The following FNBP1 variants were observed in gnomAD, a reference collection of about 807,000 sequenced individuals.
FNBP1 encodes formin binding protein 1.
FNBP1 carries 26 observed loss-of-function variants against 90.6 expected under a neutral mutation model. The observed-to-expected ratio is 0.29, with a 90% CI of 0.21 to 0.40. FNBP1 has a LOEUF of 0.40. Ranked by LOEUF, FNBP1 falls within the 10% of genes least tolerant of loss-of-function variation. The pLI is 1.00. For missense variants in FNBP1, 635 were observed against 768.0 expected (o/e 0.83, Z 2.05); for synonymous variants, 260 against 265.2 (o/e 0.98, Z 0.19).
At chr9:130,015,281 T>G (rs2057106496) in intron 1 of FNBP1, among the ~76,000 whole-genome samples, 1 of 152,180 alleles carries the variant, frequency 6.6e-6, no homozygotes, top group South Asian at 2.1e-4. Context: ...CTAGTAGGTC[T>G]TTACAGTACA....
At chr9:129,934,997 T>C (rs78713436) in intron 6 of FNBP1, among the ~76,000 whole-genome samples, 5,190 of 152,278 alleles carry the variant, frequency 0.034, 157 homozygotes, top group African/African-American at 0.078. Flanking sequence ...TTTTAGAAAC[T>C]GAACTGTAGC....
At chr9:129,892,139 T>C (rs146426263) in intron 16 of FNBP1, among the ~76,000 whole-genome samples, 20 of 152,176 alleles carry the variant, frequency 1.3e-4, no homozygotes, top group African/African-American at 3.4e-4. Flanking sequence ...GGAGAACCCA[T>C]AAAACAAACA....
Position 129,888,896 on chromosome 9 carries a change from A to G in FNBP1, c.*1643T>C, listed in dbSNP as rs1315132703. ...ACTTCCTTGTCTTAGATTCATAAAC[A>G]GCAAGAGGAACTGAGGATGCTTGAG... On this transcript the variant is annotated 3_prime_UTR_variant, in exon 17 of 17. Transcript: ENST00000446176. 4.3e-6 allele frequency: 1 copy of G among 232,100 alleles called. No individual in the cohort carries two copies. The highest frequency in any genetic ancestry group is 1.3e-3 in the Middle Eastern group (1 of 800). The allele number at this position is 232,100 out of a possible 1,614,324, so 14.4% of individuals were successfully genotyped here.
chr9:129,912,613 G>A (rs1483971159), intron 11 of FNBP1, among the ~76,000 whole-genome samples: 5 of 151,728 alleles, frequency 3.3e-5, no homozygotes, highest in Admixed American at 1.3e-4. Context: ...GCTTGAACCC[G>A]GGAGGTGGAG....
At chr9:130,043,237 G>A, upstream of FNBP1, 1 of 318,102 alleles carries the variant, frequency 3.1e-6, no homozygotes, top group Admixed American at 5.0e-5. Context: ...CGGGGGAGGG[G>A]CGGGAGGGGA....
chr9:129,939,177 T>C (rs2043949314), intron 6 of FNBP1, among the ~76,000 whole-genome samples: 1 of 151,916 alleles, frequency 6.6e-6, no homozygotes, highest in Non-Finnish European at 1.5e-5. Flanking sequence ...TCACCTGAGG[T>C]CAGGAGTTCA....
Position 129,957,584 on chromosome 9 carries a change from C to G in FNBP1, c.409-120G>C. ...TTTTTTTTCTTCAGTCAGGGTCTCA[C>G]TTTGTCACCCAGGCTGGAGTGCAGT... On this transcript the variant is annotated intron_variant, in intron 5 of 16. Transcript: ENST00000446176. The surrounding 1 kb of genome is among the most constrained non-coding windows in gnomAD (Gnocchi z 4.3). The G allele has an allele frequency of 1.3e-6, 1 of 765,760 alleles. No individual in the cohort carries two copies. Among genetic ancestry groups the G allele is most frequent in the Non-Finnish European group, 2.0e-6 (1 of 489,984 alleles). The allele number at this position is 765,760 out of a possible 1,614,324, so 47.4% of individuals were successfully genotyped here.
Position 129,925,589 on chromosome 9 carries a change from CTTTTTTTTTTTTTT to C in FNBP1, c.790-446_790-433del, listed in dbSNP as rs576015094. Among the ~76,000 whole-genome samples, 22 of 67,124 alleles carry C rather than the reference CTTTTTTTTTTTTTT, an allele frequency of 3.3e-4. No homozygotes were observed. In the South Asian group the frequency reaches 0.016, roughly 50 times the overall value. The allele number at this position is 67,124 out of a possible 152,430, so 44.0% of individuals were successfully genotyped here. A position where few individuals can be genotyped will look rare whatever the true frequency, so the allele number is the denominator to read the frequency against. ...TTGATAATAACTTTTTTCCTAGTAG[CTTTTTTTTTTTTTT>C]TTTTTTTTTTGAGACAGTCTCAATC... On this transcript the variant is annotated intron_variant, in intron 8 of 16. Transcript: ENST00000446176.
chr9:129,908,763 G>A, intron 12 of FNBP1, 127 bp downstream of exon 12: 1 of 618,388 alleles, frequency 1.6e-6, no homozygotes, highest in Non-Finnish European at 2.9e-6. Context: ...ATGTAGGCCA[G>A]GATGGTCTTG....
Position 129,890,773 on chromosome 9 carries a change from CAG to C in FNBP1, c.1847-229_1847-228del, listed in dbSNP as rs1311047802. The stretch of plus-strand genomic sequence containing the variant: ...TCTAGCCTTTAGCTGGTCTTTCCTT[CAG>C]AGTTAAGAGAAGCCCAAACAGGAGA... On this transcript the variant is annotated intron_variant, in intron 16 of 16. Transcript: ENST00000446176. The surrounding 1 kb of genome is among the most constrained non-coding windows in gnomAD (Gnocchi z 5.8). Among the ~76,000 whole-genome samples the C allele has an allele frequency of 6.6e-6, 1 of 152,146 alleles. No individual in the cohort carries two copies. Among genetic ancestry groups the C allele is most frequent in the Non-Finnish European group, 1.5e-5 (1 of 68,044 alleles).
chr9:130,011,935 C>A (rs1449636301), intron 1 of FNBP1, among the ~76,000 whole-genome samples: 2 of 152,060 alleles, frequency 1.3e-5, no homozygotes, highest in African/African-American at 2.4e-5. Flanking sequence ...ATGCAAAGGT[C>A]AATTAATAGC....
intron 1 of FNBP1, among the ~76,000 whole-genome samples, chr9:130,001,214 A>T (rs540691429): frequency 6.6e-6 from 1 of 151,546 alleles, no homozygotes. Flanking sequence ...CGCCTGTAAT[A>T]ACAGTTACTC....
At chr9:129,936,838 T>G (rs2043535022) in intron 6 of FNBP1, among the ~76,000 whole-genome samples, 1 of 152,064 alleles carries the variant, frequency 6.6e-6, no homozygotes, top group South Asian at 2.1e-4. Flanking sequence ...TCCCTGAAAA[T>G]CCTATTCGTA....
At position 129,890,740 on chromosome 9, in the gene FNBP1, G is replaced by A. The variant is rs930294558; in HGVS notation, c.1847-194C>T. The stretch of plus-strand genomic sequence containing the variant: ...GGGTCTGAGATGAGGAACTTTCACG[G>A]TTTTCTCTCTAGCCTTTAGCTGGTC... On this transcript the variant is annotated intron_variant, in intron 16 of 16. Coordinates refer to ENST00000446176, the MANE Select transcript of FNBP1 (RefSeq NM_015033.3). The surrounding 1 kb of genome is among the most constrained non-coding windows in gnomAD (Gnocchi z 5.8). Among the ~76,000 whole-genome samples the A allele has an allele frequency of 7.2e-5, 11 of 152,276 alleles. No homozygotes were observed. Among genetic ancestry groups the A allele is most frequent in the Non-Finnish European group, 1.6e-4 (11 of 68,010 alleles).
chr9:129,916,064 G>GA, intron 10 of FNBP1, 84 bp from the exon 11 acceptor site: 2 of 973,606 alleles, frequency 2.1e-6, no homozygotes, highest in Non-Finnish European at 3.2e-6. Flanking sequence ...CACATCAGAA[G>GA]AAGAGGAACT....
At chr9:129,912,690 C>CAAAAAAAAAAAAAAAAAAAAAAA (rs35355384) in intron 11 of FNBP1, among the ~76,000 whole-genome samples, 1 of 108,264 alleles carries the variant, frequency 9.2e-6, no homozygotes, top group African/African-American at 3.7e-5. Context: ...AACTCCATCT[C>CAAAAAAAAAAAAAAAAAAAAAAA]AAAAAAAAAA....
At chr9:129,959,586 T>C (rs1011790915) in intron 4 of FNBP1, among the ~76,000 whole-genome samples, 13 of 152,102 alleles carry the variant, frequency 8.5e-5, no homozygotes, top group Admixed American at 6.5e-4. Flanking sequence ...CAAGACTCGG[T>C]CTCAAAAAAT....
At position 130,038,882 on chromosome 9, in the gene FNBP1, G is replaced by A. The variant is rs888536541; in HGVS notation, c.24+4070C>T. ...TGTTAGCTGCAAAGAGAATAATTAC[G>A]AGGAAGGCTTAATTTTCCAATGGAT... On this transcript the variant is annotated intron_variant, in intron 1 of 16. Coordinates refer to ENST00000446176, the MANE Select transcript of FNBP1 (RefSeq NM_015033.3). Among the ~76,000 whole-genome samples the A allele has an allele frequency of 7.2e-5, 11 of 152,266 alleles. No individual in the cohort carries two copies. In the South Asian group the frequency reaches 2.3e-3, roughly 32 times the overall value.
At chr9:129,967,397 T>C (rs2048782891) in intron 4 of FNBP1, among the ~76,000 whole-genome samples, 1 of 152,108 alleles carries the variant, frequency 6.6e-6, no homozygotes, top group South Asian at 2.1e-4. Context: ...GTGCCTGTAA[T>C]CCCAGCTACT....
Sources: allele counts gnomAD v4.1 joint callset (sites outside exome capture counted in the v4.1 genomes callset), GRCh38; gene constraint gnomAD v4.1.1; non-coding constraint Gnocchi (gnomAD v3.1); transcripts MANE v1.5; gene names NCBI Gene and HGNC (gene_info 2026-07-23, HGNC 2026-07-21).